The following INVS variants were observed in gnomAD, a reference collection of about 807,000 sequenced individuals.
The protein encoded by INVS is inversion of embryo turning homolog.
A neutral mutation model predicts 108.8 loss-of-function variants in INVS; 86 were observed. The ratio of observed to expected loss-of-function variants is 0.79; its 90% confidence interval spans 0.66 to 0.95. INVS has a LOEUF of 0.95. INVS is among the 40% of genes least tolerant of loss of function. The pLI, the probability that INVS is intolerant of heterozygous loss-of-function variation, is 0.00. For synonymous variants in INVS, 455 were observed against 473.5 expected (o/e 0.96, Z 0.51); for missense variants, 1,169 against 1,297.4 (o/e 0.90, Z 1.52).
chr9:100,154,652 T>C (rs1212202553), intron 3 of INVS, among the ~76,000 whole-genome samples: 1 of 152,074 alleles, frequency 6.6e-6, no homozygotes, highest in Non-Finnish European at 1.5e-5. Flanking sequence ...TATATAACTA[T>C]GAAGTGACCT....
At chr9:100,219,200 CAAAT>C (rs1831071002) in intron 3 of INVS, among the ~76,000 whole-genome samples, 1 of 151,538 alleles carries the variant, frequency 6.6e-6, no homozygotes, top group Non-Finnish European at 1.5e-5. Flanking sequence ...GAAAAAAAAA[CAAAT>C]AGCCAAGTTC....
intron 3 of INVS, among the ~76,000 whole-genome samples, chr9:100,184,822 A>G (rs751153058): frequency 3.3e-5 from 5 of 152,216 alleles, no homozygotes; most frequent in Admixed American, 1.3e-4. Context: ...GGGAGATGCC[A>G]TAATTCTTAA....
chr9:100,150,160 T>G (rs575645876), intron 3 of INVS, among the ~76,000 whole-genome samples: 1 of 152,302 alleles, frequency 6.6e-6, no homozygotes, highest in Non-Finnish European at 1.5e-5. Context: ...AATACACTGT[T>G]TTTTCTTTAT....
rs1831911997 is a variant in INVS at position 100,242,558 on chromosome 9, G to A, written c.797-12G>A. 1.4e-6 allele frequency: 2 copies of A among 1,395,742 alleles called. No individual in the cohort carries two copies. Among genetic ancestry groups the A allele is most frequent in the East Asian group, 4.6e-5 (2 of 43,810 alleles). The allele number at this position is 1,395,742 out of a possible 1,614,324, so 86.5% of individuals were successfully genotyped here. On this transcript the variant is annotated splice_polypyrimidine_tract_variant and intron_variant, in intron 6 of 16. Transcript: ENST00000262457. ...TTATAAGTGATAATTACCTTTTTGT[G>A]TCTTTTCTCAGGCCATGCACAGATT...
intron 3 of INVS, among the ~76,000 whole-genome samples, chr9:100,197,116 A>G (rs1410967319): frequency 6.6e-6 from 1 of 152,198 alleles, no homozygotes; most frequent in Non-Finnish European, 1.5e-5. Flanking sequence ...GTTACAAGTC[A>G]AGGCCCCCTG....
intron 3 of INVS, among the ~76,000 whole-genome samples, chr9:100,180,288 AC>A (rs1346292032): frequency 1.3e-5 from 2 of 152,158 alleles, no homozygotes; most frequent in African/African-American, 4.8e-5. Context: ...TCAGAGCAGA[AC>A]TAAAGGAGAT....
At chr9:100,254,349 T>G (rs540413870) in intron 10 of INVS, among the ~76,000 whole-genome samples, 25 of 152,212 alleles carry the variant, frequency 1.6e-4, no homozygotes, top group Non-Finnish European at 2.9e-4. Context: ...TGTAAAAATT[T>G]TCTCCAGTTT....
rs1036479094 is a variant in INVS at position 100,273,083 on chromosome 9, A to T, written c.1784+7A>T. 1.2e-5 allele frequency: 19 copies of T among 1,612,122 alleles called. No individual in the cohort carries two copies. The highest frequency in any genetic ancestry group is 1.4e-5 in the Non-Finnish European group (17 of 1,178,468). ...GAAAAGATGCTGCTGCCAAGTAAGT[A>T]TGAGCTACGCAGATTGCGTTTTCGC... is the stretch of plus-strand genomic sequence containing the variant. On this transcript the variant is annotated splice_region_variant and intron_variant, in intron 12 of 16. Transcript: ENST00000262457.
At chr9:100,273,131 G>C (rs1046156108) in intron 12 of INVS, 55 bp downstream of exon 12, 2 of 1,337,164 alleles carry the variant, frequency 1.5e-6, no homozygotes, top group African/African-American at 1.4e-5. Context: ...GGGTGGAAGT[G>C]GGGGTGTGGG....
intron 3 of INVS, among the ~76,000 whole-genome samples, chr9:100,208,617 C>T (rs1830742791): frequency 2.0e-5 from 3 of 152,152 alleles, no homozygotes; most frequent in Admixed American, 2.0e-4. Context: ...AACTAAGGTA[C>T]ATTGTTGGAA....
chr9:100,240,622 T>G (rs183066245), intron 6 of INVS, among the ~76,000 whole-genome samples: 1 of 152,212 alleles, frequency 6.6e-6, no homozygotes, highest in East Asian at 1.9e-4. Context: ...TGCCTTTTAC[T>G]TAACCTTTTT....
At chr9:100,300,248 G>C (rs1833923237) in intron 16 of INVS, among the ~76,000 whole-genome samples, 1 of 152,188 alleles carries the variant, frequency 6.6e-6, no homozygotes, top group Admixed American at 6.5e-5. Context: ...TGTGTTACCT[G>C]TTTATGTAAT....
At position 100,292,476 on chromosome 9, in the gene INVS, G is replaced by T. The variant is rs751220830; in HGVS notation, c.2219G>T (p.Gly740Val). ...GATGAGCGGTGTGCAAAGGGGAAAG[G>T]CTTCGTGAAGCAGCCCTCCTGTATC... ...AGDERCAKGK[G>V]FVKQPSCIRV... Residue 740 changes from glycine to valine, a missense_variant, in exon 14 of 17, where the codon GGC becomes GTC. This residue lies in a region of INVS where 533 missense variants were observed against 536.0 expected (regional missense o/e 0.99). Transcript: ENST00000262457. 9.9e-6 allele frequency: 16 copies of T among 1,614,180 alleles called. No individual in the cohort carries two copies. The highest frequency in any genetic ancestry group is 1.7e-5 in the Admixed American group (1 of 60,028).
At chr9:100,175,751 G>C in intron 3 of INVS, 1 of 629,280 alleles carries the variant, frequency 1.6e-6, no homozygotes, top group Non-Finnish European at 3.0e-6. Context: ...GTAGCAGTTC[G>C]GCCTGGGGCA....
chr9:100,238,254 A>G (rs1163853415), intron 5 of INVS, among the ~76,000 whole-genome samples: 1 of 151,950 alleles, frequency 6.6e-6, no homozygotes, highest in Non-Finnish European at 1.5e-5. Context: ...AGTCCTAGGA[A>G]TCTATTTTTC....
At chr9:100,258,470 T>C (rs1832499496) in intron 10 of INVS, among the ~76,000 whole-genome samples, 1 of 152,240 alleles carries the variant, frequency 6.6e-6, no homozygotes, top group African/African-American at 2.4e-5. Flanking sequence ...TGTGTTCCTT[T>C]GAAGGAGAAG....
chr9:100,129,952 T>A (rs1193157616), intron 3 of INVS: 2 of 414,982 alleles, frequency 4.8e-6, no homozygotes, highest in Non-Finnish European at 8.8e-6. Flanking sequence ...GGATACAAAT[T>A]CCTCACAAGT....
intron 3 of INVS, among the ~76,000 whole-genome samples, chr9:100,181,218 CAT>C (rs1306234866): frequency 6.6e-6 from 1 of 152,170 alleles, no homozygotes; most frequent in Non-Finnish European, 1.5e-5. Flanking sequence ...AAAACTGGCA[CAT>C]GACAAGGATG....
chr9:100,136,683 C>A (rs536449738), intron 3 of INVS, among the ~76,000 whole-genome samples: 1 of 152,138 alleles, frequency 6.6e-6, no homozygotes, highest in East Asian at 1.9e-4. Context: ...AAGGAGACAT[C>A]AAAAATTTAG....
Sources: allele counts gnomAD v4.1 joint callset (sites outside exome capture counted in the v4.1 genomes callset), GRCh38; gene constraint gnomAD v4.1.1; regional missense constraint gnomAD v4.1.1; transcripts MANE v1.5; gene names NCBI Gene and HGNC (gene_info 2026-07-23, HGNC 2026-07-21).